TCERG1: variants seen among roughly 807,000 people sequenced by gnomAD.
TCERG1 encodes transcription elongation regulator 1.
A neutral mutation model predicts 144.7 loss-of-function variants in TCERG1; 37 were observed. That is an observed-to-expected ratio of 0.26 (90% CI 0.20 to 0.34). The LOEUF (loss-of-function observed/expected upper bound fraction) is 0.34. Among genes scored for constraint, TCERG1 ranks in the 10% least tolerant of loss-of-function variants. The pLI is 1.00. For missense variants in TCERG1, 1,027 were observed against 1,380.7 expected (o/e 0.74, Z 4.06); for synonymous variants, 492 against 458.2 (o/e 1.07, Z -0.94).
At position 146,469,725 on chromosome 5, in the gene TCERG1, C is replaced by G. The variant is rs1455204826; in HGVS notation, c.1380C>G (p.Pro460=). The change falls in exon 7 of 23, where the codon CCC becomes CCG. Residue 460 remains proline (P), a synonymous_variant. Coordinates refer to ENST00000679501, the MANE Select transcript of TCERG1 (RefSeq NM_001382548.1). ...NRTLESTWEK[P]QELKEKEKLE... ...CATTAGAATCAACCTGGGAAAAACCCCAAGAACTAAAGGAAAAAGGTATAT... is the reference window on the plus strand; with the variant it reads ...CATTAGAATCAACCTGGGAAAAACCGCAAGAACTAAAGGAAAAAGGTATAT... 6.2e-7 allele frequency: 1 copy of G among 1,604,370 alleles called. No individual in the cohort carries two copies. The highest frequency in any genetic ancestry group is 8.5e-7 in the Non-Finnish European group (1 of 1,175,654).
chr5:146,478,954 T>TA (rs937654230), intron 10 of TCERG1, among the ~76,000 whole-genome samples: 1 of 152,196 alleles, frequency 6.6e-6, no homozygotes, highest in African/African-American at 2.4e-5. Context: ...TCAATACTAC[T>TA]AAAATGCTCC....
chr5:146,458,813 A>G lies in TCERG1; in HGVS notation c.439-71A>G, dbSNP rs575122368. The G allele has an allele frequency of 4.2e-4, 637 of 1,526,232 alleles. 1 individual carries two copies. In the African/African-American group the frequency reaches 7.5e-3, roughly 18 times the overall value. The allele number at this position is 1,526,232 out of a possible 1,614,324, so 94.5% of individuals were successfully genotyped here. A position where few individuals can be genotyped will look rare whatever the true frequency, so the allele number is the denominator to read the frequency against. ...TTTTAAATAGCTTTAAAGATAAAAT[A>G]TGGTTCCATTCTTGTTTTTAATAAT... On this transcript the variant is annotated intron_variant, in intron 3 of 22. Transcript: ENST00000679501.
At position 146,447,412 on chromosome 5, in the gene TCERG1, A is replaced by G. The variant is rs1323098582; in HGVS notation, c.59+4A>G. ...GATTCAACCCGGGGGAGCTCAGGTA[A>G]GGAACGCTGCCCTCCTTCACATCTC... is the stretch of plus-strand genomic sequence containing the variant. On this transcript the variant is annotated splice_donor_region_variant and intron_variant, in intron 1 of 22. Transcript: ENST00000679501. 6.2e-7 allele frequency: 1 copy of G among 1,611,178 alleles called. No individual in the cohort carries two copies. The highest frequency in any genetic ancestry group is 8.5e-7 in the Non-Finnish European group (1 of 1,178,960).
intron 16 of TCERG1, among the ~76,000 whole-genome samples, chr5:146,494,735 T>C (rs996914053): frequency 3.3e-5 from 5 of 152,094 alleles, no homozygotes; most frequent in Admixed American, 2.0e-4. Flanking sequence ...CTAGTAAATA[T>C]AGAGCACCAG....
chr5:146,450,650 A>G (rs558644083), intron 1 of TCERG1, among the ~76,000 whole-genome samples: 16 of 152,350 alleles, frequency 1.1e-4, no homozygotes, highest in South Asian at 6.2e-4. Flanking sequence ...GTGATGAAGC[A>G]GTATAATATA....
At chr5:146,467,388 G>T (rs1401075957) in intron 5 of TCERG1, among the ~76,000 whole-genome samples, 1 of 151,770 alleles carries the variant, frequency 6.6e-6, no homozygotes, top group Non-Finnish European at 1.5e-5. Flanking sequence ...AAAAATTATT[G>T]CCCCTATACT....
intron 9 of TCERG1, among the ~76,000 whole-genome samples, chr5:146,475,381 C>T (rs1764737630): frequency 6.6e-6 from 1 of 151,778 alleles, no homozygotes; most frequent in Admixed American, 6.6e-5. Flanking sequence ...AATTTTGCCC[C>T]TAGTGGACGT....
intron 19 of TCERG1, chr5:146,504,239 T>G (rs2150885236): frequency 2.8e-6 from 1 of 355,620 alleles, no homozygotes; most frequent in South Asian, 1.4e-4. Flanking sequence ...TCATAATCAT[T>G]TAGTCTCACA....
chr5:146,478,908 A>G (rs566745112), intron 10 of TCERG1, among the ~76,000 whole-genome samples: 4 of 152,118 alleles, frequency 2.6e-5, no homozygotes, highest in Non-Finnish European at 5.9e-5. Flanking sequence ...TTAGTCCAAG[A>G]TATGGTTGGT....
At chr5:146,509,844 A>G (rs1265113408) in intron 22 of TCERG1, among the ~76,000 whole-genome samples, 1 of 152,212 alleles carries the variant, frequency 6.6e-6, no homozygotes, top group African/African-American at 2.4e-5. Flanking sequence ...ACCAGTCAGT[A>G]TGCAGGAAAC....
chr5:146,497,651 T>G (rs1362132217), intron 16 of TCERG1, among the ~76,000 whole-genome samples: 1 of 152,246 alleles, frequency 6.6e-6, no homozygotes, highest in East Asian at 1.9e-4. Flanking sequence ...TATTTTTGTT[T>G]TAGTAGGCAG....
chr5:146,473,900 A>G (rs1443311546), intron 9 of TCERG1, among the ~76,000 whole-genome samples: 1 of 152,202 alleles, frequency 6.6e-6, no homozygotes, highest in Non-Finnish European at 1.5e-5. Context: ...TGGTGTTTTC[A>G]TGCCGCTAAC....
intron 17 of TCERG1, among the ~76,000 whole-genome samples, chr5:146,502,366 G>T (rs1767560935): frequency 6.6e-6 from 1 of 152,160 alleles, no homozygotes; most frequent in Non-Finnish European, 1.5e-5. Context: ...TCTTAATATG[G>T]TCAGAATCCT....
chr5:146,478,305 T>C, intron 9 of TCERG1, 188 bp from the exon 10 acceptor site: 1 of 457,246 alleles, frequency 2.2e-6, no homozygotes, highest in Non-Finnish European at 3.6e-6. Flanking sequence ...TGTTGATCTG[T>C]TATTTTTGCT....
At chr5:146,482,839 G>T in intron 14 of TCERG1, 112 bp downstream of exon 14, 1 of 1,316,336 alleles carries the variant, frequency 7.6e-7, no homozygotes. Flanking sequence ...GGGGGATAAG[G>T]GGATTTTTAA....
At chr5:146,505,974 G>A (rs1767956274) in intron 19 of TCERG1, among the ~76,000 whole-genome samples, 3 of 151,942 alleles carry the variant, frequency 2.0e-5, no homozygotes, top group Admixed American at 6.6e-5. Context: ...ATGGGGTTTC[G>A]CCATGTTGGC....
At chr5:146,504,588 A>T (rs555034091) in intron 19 of TCERG1, 1 of 152,268 alleles carries the variant, frequency 6.6e-6, no homozygotes, top group South Asian at 2.1e-4. Flanking sequence ...TCTCTTTGTC[A>T]TATCTCTCCT....
In TCERG1 at chr5:146,510,483, T is replaced by C; in HGVS notation, c.3189T>C (p.Asp1063=). ...LIQESDQHLK[D]VEKILQNDKR... ...AAGAATCAGATCAGCACCTGAAAGATGTAGAAAAAATTTTACAGAATGACA... is the reference window on the plus strand; with the variant it reads ...AAGAATCAGATCAGCACCTGAAAGACGTAGAAAAAATTTTACAGAATGACA... The change falls in exon 23 of 23, where the codon GAT becomes GAC. Residue 1063 remains aspartate (D), a synonymous_variant. Coordinates refer to ENST00000679501, the MANE Select transcript of TCERG1 (RefSeq NM_001382548.1). 1 of 1,614,070 alleles carries C rather than the reference T, an allele frequency of 6.2e-7. No individual in the cohort carries two copies. The highest frequency in any genetic ancestry group is 8.5e-7 in the Non-Finnish European group (1 of 1,180,000).
chr5:146,450,636 T>G (rs571042902), intron 1 of TCERG1, among the ~76,000 whole-genome samples: 228 of 152,298 alleles, frequency 1.5e-3, no homozygotes, highest in Middle Eastern at 6.8e-3. Context: ...CTGGTGAGGT[T>G]GTTGTGATGA....
Sources: gnomAD v4.1 joint callset for allele counts (sites outside exome capture counted in the v4.1 genomes callset) on GRCh38, gnomAD v4.1.1 for gene constraint, MANE v1.5 for transcripts, NCBI Gene and HGNC (gene_info 2026-07-23, HGNC 2026-07-21) for gene names.